GLIS3: variants seen among roughly 807,000 people sequenced by gnomAD.
GLIS3 encodes GLIS family zinc finger 3.
GLIS3 carries 53 observed loss-of-function variants against 78.6 expected under a neutral mutation model. That is an observed-to-expected ratio of 0.67 (90% confidence interval 0.54 to 0.85). The LOEUF (loss-of-function observed/expected upper bound fraction) is 0.85, where lower values mean the gene tolerates loss of function less well. Ranked by LOEUF, GLIS3 falls within the 40% of genes least tolerant of loss-of-function variation. The pLI, the probability that GLIS3 is intolerant of heterozygous loss-of-function variation, is 0.00. For synonymous variants in GLIS3, 684 were observed against 509.9 expected (o/e 1.34, Z -4.60); for missense variants, 1,703 against 1,231.1 (o/e 1.38, Z -5.74).
At chr9:3,984,063 G>T (rs1000526626) in intron 4 of GLIS3, among the ~76,000 whole-genome samples, 5 of 152,216 alleles carry the variant, frequency 3.3e-5, no homozygotes, top group African/African-American at 1.2e-4. Context: ...TGTGGGTTGG[G>T]CCCAGGGACT....
intron 5 of GLIS3, among the ~76,000 whole-genome samples, chr9:3,933,477 T>C (rs34381292): frequency 0.038 from 5,730 of 152,320 alleles, 153 homozygotes; most frequent in Non-Finnish European, 0.06. Context: ...GCTATGACTC[T>C]TCAGTTGTGA....
the GLIS3 span, among the ~76,000 whole-genome samples, chr9:4,451,619 C>G: frequency 6.6e-6 from 1 of 152,100 alleles, no homozygotes; most frequent in South Asian, 2.1e-4. Flanking sequence ...CCTCAGCAAA[C>G]GTAAAATAAC....
chr9:4,152,109 C>G, intron 2 of GLIS3: 1 of 981,670 alleles, frequency 1.0e-6, no homozygotes, highest in African/African-American at 1.7e-5. Flanking sequence ...TACGGCCATT[C>G]AAACCTCTAT....
At chr9:4,180,854 G>C (rs117448787) in intron 2 of GLIS3, among the ~76,000 whole-genome samples, 1 of 152,138 alleles carries the variant, frequency 6.6e-6, no homozygotes, top group African/African-American at 2.4e-5. Context: ...GTTTTGCTCC[G>C]ATCCACCCAA....
chr9:3,906,103 G>A (rs561988413), intron 6 of GLIS3, among the ~76,000 whole-genome samples: 29 of 152,314 alleles, frequency 1.9e-4, no homozygotes, highest in Non-Finnish European at 3.4e-4. Context: ...CAAGAGGAAG[G>A]GTGCAGGATG....
chr9:3,845,766 G>C (rs914396669), intron 9 of GLIS3, among the ~76,000 whole-genome samples: 1 of 152,126 alleles, frequency 6.6e-6, no homozygotes, highest in Non-Finnish European at 1.5e-5. Context: ...CACACACACA[G>C]TGGGGTAATC....
At chr9:4,263,737 C>G (rs189506768) in intron 2 of GLIS3, among the ~76,000 whole-genome samples, 1 of 152,292 alleles carries the variant, frequency 6.6e-6, no homozygotes, top group Admixed American at 6.5e-5. Flanking sequence ...TTCATCTTAT[C>G]TGACGTCTCA....
chr9:4,073,138 C>A (rs899515625), intron 4 of GLIS3, among the ~76,000 whole-genome samples: 7 of 152,070 alleles, frequency 4.6e-5, no homozygotes, highest in African/African-American at 1.7e-4. Flanking sequence ...TTGAGTTGCA[C>A]GCCTGTTCCT....
At chr9:3,881,999 T>C (rs1445449498) in intron 7 of GLIS3, among the ~76,000 whole-genome samples, 1 of 152,232 alleles carries the variant, frequency 6.6e-6, no homozygotes, top group Non-Finnish European at 1.5e-5. Context: ...TCCTCTACCT[T>C]TTTCTACTTA....
chr9:4,471,245 G>GA, the GLIS3 span, among the ~76,000 whole-genome samples: 1 of 152,096 alleles, frequency 6.6e-6, no homozygotes, highest in Non-Finnish European at 1.5e-5. Flanking sequence ...CACAGAATTG[G>GA]AAAAAACTAC....
chr9:4,429,309 C>T, the GLIS3 span, among the ~76,000 whole-genome samples: 1 of 152,104 alleles, frequency 6.6e-6, no homozygotes, highest in Non-Finnish European at 1.5e-5. Flanking sequence ...TCCCTCTCTC[C>T]AGCCTCATGC....
intron 2 of GLIS3, among the ~76,000 whole-genome samples, chr9:4,312,371 G>T (rs944410467): frequency 1.6e-4 from 24 of 152,208 alleles, no homozygotes; most frequent in Admixed American, 4.6e-4. Flanking sequence ...GGGAGGCTGG[G>T]GTAGGAGAAT....
At chr9:4,036,971 G>A (rs1824366579) in intron 4 of GLIS3, among the ~76,000 whole-genome samples, 1 of 152,184 alleles carries the variant, frequency 6.6e-6, no homozygotes, top group African/African-American at 2.4e-5. Context: ...CCCCACTGCA[G>A]CTATGGCAGA....
the GLIS3 span, among the ~76,000 whole-genome samples, chr9:4,445,038 G>A: frequency 1.3e-5 from 2 of 152,040 alleles, no homozygotes; most frequent in Non-Finnish European, 2.9e-5. Flanking sequence ...CTAGTTGGTT[G>A]CATTTCATTA....
chr9:4,107,507 A>G (rs894551170), intron 4 of GLIS3, among the ~76,000 whole-genome samples: 2 of 152,228 alleles, frequency 1.3e-5, no homozygotes, highest in African/African-American at 2.4e-5. Flanking sequence ...CTATACAATC[A>G]TAAGGAGTTA....
chr9:4,161,472 C>T (rs931224436), intron 2 of GLIS3, among the ~76,000 whole-genome samples: 6 of 152,200 alleles, frequency 3.9e-5, no homozygotes, highest in Non-Finnish European at 7.4e-5. Flanking sequence ...AACACCCCTT[C>T]GTGGATGCAT....
At chr9:4,171,269 A>G (rs1395006858) in intron 2 of GLIS3, among the ~76,000 whole-genome samples, 1 of 152,244 alleles carries the variant, frequency 6.6e-6, no homozygotes, top group Non-Finnish European at 1.5e-5. Context: ...TTATTCACTA[A>G]CAGAGAATCT....
the GLIS3 span, among the ~76,000 whole-genome samples, chr9:4,478,290 A>G: frequency 6.6e-6 from 1 of 152,028 alleles, no homozygotes; most frequent in African/African-American, 2.4e-5. Flanking sequence ...ACACATATAA[A>G]TCCATGTGTT....
chr9:4,303,328 A>G (rs1381866059), upstream of GLIS3, among the ~76,000 whole-genome samples: 1 of 152,102 alleles, frequency 6.6e-6, no homozygotes, highest in Non-Finnish European at 1.5e-5. Flanking sequence ...AATGCAGTGG[A>G]AAAAGTTAGT....
Sources: gnomAD v4.1 joint callset for allele counts (sites outside exome capture counted in the v4.1 genomes callset) on GRCh38, gnomAD v4.1.1 for gene constraint, MANE v1.5 for transcripts, NCBI Gene and HGNC (gene_info 2026-07-23, HGNC 2026-07-21) for gene names.